The following HAUS6 variants were observed in gnomAD, a reference collection of about 807,000 sequenced individuals.
HAUS6 encodes the protein HAUS augmin-like complex subunit 6.
HAUS6 carries 80 observed loss-of-function variants against 106.8 expected under a neutral mutation model. The ratio of observed to expected loss-of-function variants is 0.75; its 90% CI spans 0.63 to 0.90. The LOEUF is 0.90. Ranked by LOEUF, HAUS6 falls within the 40% of genes least tolerant of loss-of-function variation. The pLI, the probability that HAUS6 is intolerant of heterozygous loss-of-function variation, is 0.00. For synonymous variants in HAUS6, 356 were observed against 379.1 expected (o/e 0.94, Z 0.71); for missense variants, 1,155 against 1,118.1 (o/e 1.03, Z -0.47).
intron 3 of HAUS6, 80 bp from the exon 4 acceptor site, chr9:19,093,383 AGG>A: frequency 8.1e-7 from 1 of 1,232,882 alleles, no homozygotes; most frequent in Non-Finnish European, 1.2e-6. Context: ...TTTTTGTTAA[AGG>A]GTGTGACAGT....
intron 1 of HAUS6, 30 bp downstream of exon 1, chr9:19,102,494 C>A: frequency 1.9e-6 from 3 of 1,608,430 alleles, no homozygotes; most frequent in Non-Finnish European, 2.5e-6. Context: ...GGTTCAGGCT[C>A]CCTCGCCCCG....
In HAUS6 at chr9:19,062,982, G is replaced by A. The variant is rs760381332; in HGVS notation, c.1629+26C>T. 18 of 1,518,340 alleles carry A rather than the reference G, an allele frequency of 1.2e-5. No individual in the cohort carries two copies. In the East Asian group the frequency reaches 4.1e-4, roughly 34 times the overall value. The allele number at this position is 1,518,340 out of a possible 1,614,324, so 94.1% of individuals were successfully genotyped here. A position where few individuals can be genotyped will look rare whatever the true frequency, so the allele number is the denominator to read the frequency against. On this transcript the variant is annotated intron_variant, in intron 14 of 16. Coordinates refer to ENST00000380502, the MANE Select transcript of HAUS6 (RefSeq NM_017645.5). ...TGCCCATCCAATAACTGATATTTAA[G>A]TATACTCATTACAGTCTTTTCTCAC...
intron 1 of HAUS6, among the ~76,000 whole-genome samples, chr9:19,101,567 AG>A (rs1308438783): frequency 6.6e-6 from 1 of 151,672 alleles, no homozygotes; most frequent in East Asian, 1.9e-4. Context: ...GCTTGAGCCC[AG>A]GAATTTTGAG....
intron 1 of HAUS6, among the ~76,000 whole-genome samples, chr9:19,100,012 G>C (rs1347847821): frequency 1.3e-5 from 2 of 152,194 alleles, no homozygotes; most frequent in African/African-American, 2.4e-5. Flanking sequence ...GGCTAAGATG[G>C]AGAAACCCGG....
Position 19,102,871 on chromosome 9 carries a change from G to T in HAUS6, c.-220C>A. 2.3e-6 allele frequency: 1 copy of T among 427,392 alleles called. No homozygotes were observed. Among genetic ancestry groups the T allele is most frequent in the Non-Finnish European group, 4.2e-6 (1 of 239,320 alleles). The allele number at this position is 427,392 out of a possible 1,614,324, so 26.5% of individuals were successfully genotyped here. A position where few individuals can be genotyped will look rare whatever the true frequency, so the allele number is the denominator to read the frequency against. On this transcript the variant is annotated 5_prime_UTR_variant, in exon 1 of 17. Coordinates refer to ENST00000380502, the MANE Select transcript of HAUS6 (RefSeq NM_017645.5). ...ATAGTGCGGCCACCACTGCCTCAGC[G>T]AAGCCACCACAAACCGAGACTCCCG...
intron 14 of HAUS6, among the ~76,000 whole-genome samples, chr9:19,061,044 A>AT (rs1836605199): frequency 1.3e-5 from 2 of 152,200 alleles, no homozygotes; most frequent in African/African-American, 4.8e-5. Flanking sequence ...CATGCCTGTA[A>AT]TTCCAGCTAC....
intron 1 of HAUS6, among the ~76,000 whole-genome samples, chr9:19,098,653 T>C (rs1176841244): frequency 2.0e-5 from 3 of 152,138 alleles, no homozygotes; most frequent in Non-Finnish European, 4.4e-5. Flanking sequence ...TGCAACCATA[T>C]GATTTTTCCA....
At chr9:19,082,830 G>A (rs759014916) in intron 8 of HAUS6, 43 bp downstream of exon 8, 2 of 975,840 alleles carry the variant, frequency 2.0e-6, no homozygotes, top group Non-Finnish European at 3.0e-6. Flanking sequence ...ACAATTACAT[G>A]ATAGGAGTTT....
intron 3 of HAUS6, 68 bp from the exon 4 acceptor site, chr9:19,093,371 T>C: frequency 3.0e-6 from 4 of 1,337,346 alleles, no homozygotes; most frequent in Non-Finnish European, 4.2e-6. Context: ...TACATCACAC[T>C]ATTTTTGTTA....
At chr9:19,082,098 G>C (rs1301779866) in intron 8 of HAUS6, among the ~76,000 whole-genome samples, 1 of 152,162 alleles carries the variant, frequency 6.6e-6, no homozygotes, top group Middle Eastern at 3.2e-3. Flanking sequence ...CATGAAATTG[G>C]TAAGAAAATA....
chr9:19,068,585 G>A (rs868138511), intron 12 of HAUS6, among the ~76,000 whole-genome samples: 1 of 152,062 alleles, frequency 6.6e-6, no homozygotes, highest in African/African-American at 2.4e-5. Flanking sequence ...AGATGGCATA[G>A]AATGATGAGT....
intron 9 of HAUS6, 50 bp from the exon 10 acceptor site, chr9:19,078,352 C>A: frequency 9.0e-7 from 1 of 1,112,066 alleles, no homozygotes; most frequent in Non-Finnish European, 1.3e-6. Context: ...AAAAAAAGCA[C>A]TGAGTAAAAT....
At chr9:19,089,640 T>A in intron 4 of HAUS6, 81 bp from the exon 5 acceptor site, 2 of 1,031,500 alleles carry the variant, frequency 1.9e-6, no homozygotes, top group Non-Finnish European at 1.4e-6. Flanking sequence ...TTAGTGTCAC[T>A]AACGTTGGTG....
At chr9:19,060,036 C>G (rs1474912517) in intron 15 of HAUS6, 52 bp downstream of exon 15, 1 of 1,446,688 alleles carries the variant, frequency 6.9e-7, no homozygotes, top group South Asian at 1.2e-5. Flanking sequence ...ATGGTTCTAA[C>G]AGTGGTTATG....
chr9:19,056,496 A>G (rs1836473872), intron 16 of HAUS6, 92 bp from the exon 17 acceptor site: 1 of 734,406 alleles, frequency 1.4e-6, no homozygotes, highest in African/African-American at 1.7e-5. Context: ...TCAATACAAA[A>G]AAGGTTCATA....
chr9:19,056,620 C>T (rs533819877), intron 16 of HAUS6: 17 of 448,750 alleles, frequency 3.8e-5, no homozygotes, highest in Admixed American at 1.5e-4. Context: ...CTTTTTTCTG[C>T]GACAGGGTCT....
chr9:19,080,659 T>C lies in HAUS6; in HGVS notation c.884A>G (p.Asn295Ser), dbSNP rs747059162. 2 of 1,606,094 alleles carry C rather than the reference T, an allele frequency of 1.2e-6. No individual in the cohort carries two copies. Among genetic ancestry groups the C allele is most frequent in the Non-Finnish European group, 8.5e-7 (1 of 1,174,016 alleles). Reference protein sequence around the residue: ...EKQMFQLHIGNVYEAGKLNLL... With the variant: ...EKQMFQLHIGSVYEAGKLNLL... ...GTTCAGTTTTCCAGCCTCATAAACATTTCCTATGTGCAACTAAGGAATCAG... is the reference window on the plus strand; with the variant it reads ...GTTCAGTTTTCCAGCCTCATAAACACTTCCTATGTGCAACTAAGGAATCAG... The change falls in exon 9 of 17, where the codon AAT becomes AGT. Residue 295 changes from asparagine to serine, a missense_variant. Physicochemically the swap from Asn to Ser is conservative, Grantham distance 46 (BLOSUM62 1). Transcript: ENST00000380502.
At chr9:19,083,514 C>A (rs1246537389) in intron 7 of HAUS6, among the ~76,000 whole-genome samples, 1 of 151,972 alleles carries the variant, frequency 6.6e-6, no homozygotes, top group Non-Finnish European at 1.5e-5. Flanking sequence ...AAAAATTTTT[C>A]AAGAGAAGCC....
intron 2 of HAUS6, among the ~76,000 whole-genome samples, chr9:19,094,854 C>T (rs1205504655): frequency 6.6e-6 from 1 of 151,814 alleles, no homozygotes; most frequent in Admixed American, 6.6e-5. Flanking sequence ...GAGACACCAA[C>T]CTGTGAGAAA....
Sources: allele counts gnomAD v4.1 joint callset (sites outside exome capture counted in the v4.1 genomes callset), GRCh38; gene constraint gnomAD v4.1.1; transcripts MANE v1.5; gene names NCBI Gene and HGNC (gene_info 2026-07-23, HGNC 2026-07-21).